Variants in MMEL1 observed in about 807,000 individuals in gnomAD.
The protein encoded by MMEL1 is membrane metalloendopeptidase like 1.
In MMEL1, 98 loss-of-function variants were observed where a neutral mutation model predicts 117.1. The observed-to-expected ratio is 0.84, with a 90% CI of 0.71 to 0.99. The LOEUF (loss-of-function observed/expected upper bound fraction) is 0.99. MMEL1 is among the 50% of genes least tolerant of loss of function. The pLI is 0.00. For synonymous variants in MMEL1, 390 were observed against 415.1 expected, an observed-to-expected ratio of 0.94 and a Z score of 0.74; for missense variants, 1,014 against 1,049.1, an observed-to-expected ratio of 0.97 and a Z score of 0.46.
chr1:2,630,091 A>G (rs1004353433), intron 1 of MMEL1: 2 of 152,320 alleles, frequency 1.3e-5, no homozygotes, highest in African/African-American at 4.8e-5. Flanking sequence ...TCGTCCCCTG[A>G]CCCTGTTACT....
Position 2,593,853 on chromosome 1 carries a change from C to A in MMEL1, c.1828G>T (p.Val610Leu), listed in dbSNP as rs1217626181. 2 of 1,612,436 alleles carry A rather than the reference C, an allele frequency of 1.2e-6. No homozygotes were observed. The highest frequency in any genetic ancestry group is 2.7e-5 in the African/African-American group (2 of 74,880). Reference protein sequence around the residue: ...QALNFGGIGMVIGHEITHGFD... With the variant: ...QALNFGGIGMLIGHEITHGFD... ...CCGTGCGTGATCTCGTGCCCGATCA[C>A]CATCCCAATGCCTCCAAAGTTCAAG... Residue 610 changes from valine to leucine, a missense_variant, in exon 19 of 24, where the codon GTG becomes TTG. Val to Leu is a conservative substitution (Grantham distance 32, BLOSUM62 1). Transcript: ENST00000378412.
intron 2 of MMEL1, among the ~76,000 whole-genome samples, chr1:2,617,866 AAGG>A (rs1210963924): frequency 1.3e-5 from 2 of 152,180 alleles, no homozygotes; most frequent in Non-Finnish European, 2.9e-5. Flanking sequence ...ATCTCTCCAA[AAGG>A]AGATTTTTCT....
rs1213836057 is a variant in MMEL1 at position 2,611,348 on chromosome 1, C to G, written c.233-8G>C. ...CTTGGGCCTCTGGGATCCCTGCGGG[C>G]AAGGAGCAGCCTGAGCACCGGGAGC... On this transcript the variant is annotated splice_polypyrimidine_tract_variant and splice_region_variant and intron_variant, in intron 3 of 23. Transcript: ENST00000378412. 5 of 1,521,374 alleles carry G rather than the reference C, an allele frequency of 3.3e-6. No individual in the cohort carries two copies. In the African/African-American group the frequency reaches 4.2e-5, roughly 13 times the overall value. The allele number at this position is 1,521,374 out of a possible 1,614,324, so 94.2% of individuals were successfully genotyped here.
At chr1:2,602,712 C>T (rs941734799) in intron 11 of MMEL1, among the ~76,000 whole-genome samples, 2 of 152,218 alleles carry the variant, frequency 1.3e-5, no homozygotes, top group Non-Finnish European at 1.5e-5. Context: ...CCCCGCTTTA[C>T]TTCCTACTCC....
In MMEL1 at chr1:2,592,869, G is replaced by A. The variant is rs376235676; in HGVS notation, c.1965C>T (p.Tyr655=). 2.8e-5 allele frequency: 45 copies of A among 1,613,628 alleles called. No individual in the cohort carries two copies. The highest frequency in any genetic ancestry group is 2.4e-4 in the African/African-American group (18 of 74,854). The change falls in exon 20 of 24, where the codon TAC becomes TAT. Residue 655 remains tyrosine (Y), a synonymous_variant. Transcript: ENST00000378412. ...CTGCCAGGTCCCAGGAGTAGTTGCCGTACTGGTAGATCATGCACTCTGACT... is the reference window on the plus strand; with the variant it reads ...CTGCCAGGTCCCAGGAGTAGTTGCCATACTGGTAGATCATGCACTCTGACT... ...REQSECMIYQ[Y]GNYSWDLADE...
Position 2,604,267 on chromosome 1 carries a change from G to A in MMEL1, c.831C>T (p.Tyr277=), listed in dbSNP as rs770949592. Residue 277 remains tyrosine, a synonymous_variant, in exon 10 of 24, where the codon TAC becomes TAT. Transcript: ENST00000378412. The part of the protein sequence containing the change: ...GGSNRKVREA[Y]LQFMVSVATL... ...TGGCCACTGACACCATGAACTGCAGGTAGGCTTCCCGCACCTGGGCCAAAG... is the reference window on the plus strand; with the variant it reads ...TGGCCACTGACACCATGAACTGCAGATAGGCTTCCCGCACCTGGGCCAAAG... The A allele has an allele frequency of 2.4e-5, 38 of 1,612,834 alleles. No individual in the cohort carries two copies. In the South Asian group the frequency reaches 3.2e-4, roughly 14 times the overall value.
chr1:2,611,076 T>C (rs918717425), intron 4 of MMEL1, among the ~76,000 whole-genome samples: 4 of 152,174 alleles, frequency 2.6e-5, no homozygotes, highest in Non-Finnish European at 5.9e-5. Context: ...TGCTGGAGGC[T>C]GGGGACTGGG....
At chr1:2,630,707 G>C (rs1014822189) in intron 1 of MMEL1, among the ~76,000 whole-genome samples, 5 of 151,460 alleles carry the variant, frequency 3.3e-5, no homozygotes, top group Non-Finnish European at 7.4e-5. Context: ...GTGTGTGCAC[G>C]TGTGTGACTG....
chr1:2,599,727 G>A (rs1172499865), intron 11 of MMEL1, among the ~76,000 whole-genome samples: 6 of 152,034 alleles, frequency 3.9e-5, no homozygotes, highest in African/African-American at 7.2e-5. Flanking sequence ...GTGTGGTGGC[G>A]CATGCTGTAG....
Position 2,629,399 on chromosome 1 carries a change from A to C in MMEL1, c.86T>G (p.Leu29Arg). 5 of 1,545,876 alleles carry C rather than the reference A, an allele frequency of 3.2e-6. No individual in the cohort carries two copies. The highest frequency in any genetic ancestry group is 1.4e-5 in the African/African-American group (1 of 72,840). ...GGTCACCAGCAGCAGCAGCAGCAGCAGCCCCCCCTCCAGGAACCCCGGGCG... is the reference window on the plus strand; with the variant it reads ...GGTCACCAGCAGCAGCAGCAGCAGCCGCCCCCCCTCCAGGAACCCCGGGCG... ...QKRPGFLEGG[L>R]LLLLLLVTAA... Residue 29 changes from leucine (L) to arginine (R), a missense_variant, in exon 2 of 24, where the codon CTG (leucine) becomes CGG (arginine). Physicochemically the swap from Leu to Arg is moderately radical, Grantham distance 102. Coordinates refer to ENST00000378412, the MANE Select transcript of MMEL1 (RefSeq NM_033467.4).
Position 2,606,357 on chromosome 1 carries a change from C to G in MMEL1, c.641G>C (p.Trp214Ser), listed in dbSNP as rs1645028349. The G allele has an allele frequency of 1.2e-6, 2 of 1,611,414 alleles. No homozygotes were observed. Among genetic ancestry groups the G allele is most frequent in the African/African-American group, 2.7e-5 (2 of 74,942 alleles). The change falls in exon 8 of 24, where the codon TGG becomes TCG. Residue 214 changes from tryptophan to serine, a missense_variant. Physicochemically the swap from Trp to Ser is radical, Grantham distance 177. Coordinates refer to ENST00000378412, the MANE Select transcript of MMEL1 (RefSeq NM_033467.4). ...CAGCGCCAGCTGCCGCTCCAGCTCC[C>G]ACTCGAGTCCTGGGGAGACAGTGCC... is the stretch of plus-strand genomic sequence containing the variant. ...DRWNETVGLE[W>S]ELERQLALMN...
At chr1:2,618,301 G>C (rs1645235768) in intron 2 of MMEL1, among the ~76,000 whole-genome samples, 1 of 151,896 alleles carries the variant, frequency 6.6e-6, no homozygotes, top group Non-Finnish European at 1.5e-5. Context: ...GCATGCACAG[G>C]CTCCCCTTTA....
At chr1:2,593,726 G>A in intron 19 of MMEL1, 88 bp downstream of exon 19, 1 of 1,453,732 alleles carries the variant, frequency 6.9e-7, no homozygotes, top group Non-Finnish European at 9.1e-7. Flanking sequence ...AACCGTGAAG[G>A]GGTTGAATGG....
chr1:2,603,830 C>G (rs1413620878), intron 11 of MMEL1, 54 bp downstream of exon 11: 1 of 1,531,842 alleles, frequency 6.5e-7, no homozygotes, highest in Non-Finnish European at 9.0e-7. Flanking sequence ...GCTTCCATGT[C>G]CCCCACGAGT....
At chr1:2,603,164 G>T (rs1208418631) in intron 11 of MMEL1, among the ~76,000 whole-genome samples, 1 of 152,216 alleles carries the variant, frequency 6.6e-6, no homozygotes, top group African/African-American at 2.4e-5. Context: ...CTTGCCCTTG[G>T]CAAGAGCTGT....
At chr1:2,609,034 TACACACAC>T (rs70956312) in intron 6 of MMEL1, among the ~76,000 whole-genome samples, 1,543 of 144,754 alleles carry the variant, frequency 0.011, 18 homozygotes, top group Middle Eastern at 0.018. Context: ...ATCCATATAA[TACACACAC>T]ACACACACAC....
chr1:2,610,249 GC>G lies in MMEL1; in HGVS notation c.293-419del, dbSNP rs556354859. On this transcript the variant is annotated intron_variant, in intron 4 of 23. Coordinates refer to ENST00000378412, the MANE Select transcript of MMEL1 (RefSeq NM_033467.4). ...TTTTAGAACAGGGTCTCGCTGTGTTGCCCAGGCTGGTCTGGAACTCCTGGGC... is the reference window on the plus strand; with the variant it reads ...TTTTAGAACAGGGTCTCGCTGTGTTGCCAGGCTGGTCTGGAACTCCTGGGC... Among the ~76,000 whole-genome samples the G allele has an allele frequency of 7.3e-3, 1,105 of 152,306 alleles. 14 individuals are homozygous for G. The highest frequency in any genetic ancestry group is 9.8e-3 in the Non-Finnish European group (666 of 68,024).
At chr1:2,600,197 A>G (rs935613744) in intron 11 of MMEL1, among the ~76,000 whole-genome samples, 9 of 152,002 alleles carry the variant, frequency 5.9e-5, no homozygotes, top group Admixed American at 5.9e-4. Context: ...CAAGCTCCTG[A>G]CCTCAGGTGA....
chr1:2,615,929 T>C (rs1339885770), intron 2 of MMEL1, among the ~76,000 whole-genome samples: 1 of 152,188 alleles, frequency 6.6e-6, no homozygotes, highest in Non-Finnish European at 1.5e-5. Flanking sequence ...AGAAGGGCAG[T>C]GTATCCCAAG....
Sources: allele counts gnomAD v4.1 joint callset (sites outside exome capture counted in the v4.1 genomes callset), GRCh38; gene constraint gnomAD v4.1.1; transcripts MANE v1.5; gene names NCBI Gene and HGNC (gene_info 2026-07-23, HGNC 2026-07-21).